TMEM108: variants seen among roughly 807,000 people sequenced by gnomAD.
TMEM108 encodes the protein cancer/testis antigen 124.
TMEM108 carries 12 observed loss-of-function variants against 35.1 expected under a neutral mutation model. That is an observed-to-expected ratio of 0.34 (90% CI 0.22 to 0.55). TMEM108 has a LOEUF of 0.55. Among genes scored for constraint, TMEM108 ranks in the 20% least tolerant of loss-of-function variants. The probability of loss-of-function intolerance (pLI) is 0.89; values close to 1 mark genes in which losing one functional copy is unlikely to be tolerated. For missense variants in TMEM108, 680 were observed against 753.3 expected (o/e 0.90, Z 1.14); for synonymous variants, 287 against 308.6 (o/e 0.93, Z 0.73).
At chr3:133,199,951 C>T (rs990758337) in intron 2 of TMEM108, among the ~76,000 whole-genome samples, 4 of 152,168 alleles carry the variant, frequency 2.6e-5, no homozygotes, top group African/African-American at 4.8e-5. Context: ...TTTACCTACT[C>T]AAGCCTCAGC....
At chr3:133,299,932 A>T (rs16840195) in intron 3 of TMEM108, among the ~76,000 whole-genome samples, 51,553 of 152,064 alleles carry the variant, frequency 0.34, 9,149 homozygotes, top group East Asian at 0.48. Flanking sequence ...TGAAAATCAG[A>T]GTGGAGAAAA....
intron 2 of TMEM108, among the ~76,000 whole-genome samples, chr3:133,139,946 G>T (rs148101230): frequency 2.5e-4 from 38 of 152,322 alleles, no homozygotes; most frequent in Non-Finnish European, 4.7e-4. Flanking sequence ...GCTGGGGTAG[G>T]ACTTTCAGGT....
intron 2 of TMEM108, among the ~76,000 whole-genome samples, chr3:133,168,903 C>T (rs1022940519): frequency 8.6e-5 from 13 of 150,338 alleles, no homozygotes; most frequent in Admixed American, 3.3e-4. Context: ...CTGGATGCGC[C>T]GCCTTTATGA....
At chr3:133,282,801 G>A (rs562481105) in intron 3 of TMEM108, among the ~76,000 whole-genome samples, 111 of 152,254 alleles carry the variant, frequency 7.3e-4, no homozygotes, top group African/African-American at 2.6e-3. Context: ...ATAATGCCCC[G>A]TAAATGCTCA....
chr3:133,392,027 G>A (rs1032880842), intron 5 of TMEM108, among the ~76,000 whole-genome samples: 2 of 151,948 alleles, frequency 1.3e-5, no homozygotes, highest in South Asian at 4.2e-4. Flanking sequence ...TCACATGGCA[G>A]CAGAGGCCCT....
intron 3 of TMEM108, among the ~76,000 whole-genome samples, chr3:133,342,001 A>G (rs2071673609): frequency 6.6e-6 from 1 of 151,884 alleles, no homozygotes; most frequent in African/African-American, 2.4e-5. Context: ...ACACCCCACA[A>G]GCACAGGCAA....
intron 2 of TMEM108, among the ~76,000 whole-genome samples, chr3:133,047,439 T>G (rs1943353970): frequency 6.6e-6 from 1 of 152,220 alleles, no homozygotes; most frequent in South Asian, 2.1e-4. Flanking sequence ...ATTCTTTAAT[T>G]ATTGATTTGG....
At chr3:133,173,740 C>A (rs773274246) in intron 2 of TMEM108, among the ~76,000 whole-genome samples, 1 of 152,160 alleles carries the variant, frequency 6.6e-6, no homozygotes, top group African/African-American at 2.4e-5. Context: ...ATAGGAACAG[C>A]TCTAGTCTAC....
chr3:133,359,853 T>G (rs1315896320), intron 3 of TMEM108, among the ~76,000 whole-genome samples: 3 of 152,080 alleles, frequency 2.0e-5, no homozygotes, highest in African/African-American at 7.2e-5. Context: ...CCAAGATAAA[T>G]GAAAACATGT....
At chr3:133,154,203 G>A (rs1405036508) in intron 2 of TMEM108, among the ~76,000 whole-genome samples, 1 of 151,948 alleles carries the variant, frequency 6.6e-6, no homozygotes, top group East Asian at 1.9e-4. Flanking sequence ...TTTGTCAGAT[G>A]AGTAGGTTGC....
intron 2 of TMEM108, among the ~76,000 whole-genome samples, chr3:133,108,660 T>TTG (rs1944188351): frequency 1.3e-5 from 2 of 152,078 alleles, no homozygotes; most frequent in Non-Finnish European, 2.9e-5. Context: ...TTTGTTTCCA[T>TTG]TGCTTTTGGT....
At chr3:133,165,977 A>G (rs554722184) in intron 2 of TMEM108, among the ~76,000 whole-genome samples, 1 of 152,370 alleles carries the variant, frequency 6.6e-6, no homozygotes, top group East Asian at 1.9e-4. Context: ...AGCCAGAATC[A>G]GTCCATGGTT....
intron 3 of TMEM108, among the ~76,000 whole-genome samples, chr3:133,373,482 A>G (rs932894191): frequency 2.0e-5 from 3 of 152,026 alleles, no homozygotes; most frequent in African/African-American, 7.3e-5. Context: ...TTGGCAGGCA[A>G]TGAGTTGGCC....
chr3:133,257,028 C>T (rs1286635833), intron 3 of TMEM108: 1 of 152,206 alleles, frequency 6.6e-6, no homozygotes, highest in Non-Finnish European at 1.5e-5. Context: ...TACTTACCAT[C>T]CCTGATGTCA....
intron 2 of TMEM108, among the ~76,000 whole-genome samples, chr3:133,099,616 C>G (rs1323538588): frequency 6.6e-6 from 1 of 152,168 alleles, no homozygotes; most frequent in Non-Finnish European, 1.5e-5. Flanking sequence ...TGCTTTGCTG[C>G]TTAGAAGTTT....
intron 2 of TMEM108, among the ~76,000 whole-genome samples, chr3:133,209,078 C>T (rs1945799324): frequency 6.6e-6 from 1 of 152,176 alleles, no homozygotes. Context: ...CAGGGTCTCA[C>T]AGTTGCCCAG....
chr3:133,261,883 G>T (rs1203842342), intron 3 of TMEM108, among the ~76,000 whole-genome samples: 1 of 152,212 alleles, frequency 6.6e-6, no homozygotes, highest in Non-Finnish European at 1.5e-5. Context: ...TAAAGCTGGT[G>T]TGGAAAACCA....
At position 133,134,535 on chromosome 3, in the gene TMEM108, A is replaced by T. The variant is rs985568296; in HGVS notation, c.-47+88515A>T. On this transcript the variant is annotated intron_variant, in intron 2 of 5. Transcript: ENST00000321871. ...AAATGCTTGTAATTTCCTGAGTAAT[A>T]GGGGTGCTTATTAACGCTATTTCTT... Among the ~76,000 whole-genome samples the T allele has an allele frequency of 3.3e-5, 5 of 151,494 alleles. No individual in the cohort carries two copies. In the Admixed American group the frequency reaches 3.3e-4, roughly 10 times the overall value.
At position 133,126,286 on chromosome 3, in the gene TMEM108, TA is replaced by T. The variant is rs1944415153; in HGVS notation, c.-47+80269del. ...TCGAGACCAGCCTGACCAATATGGT[TA>T]AACCCCATCTCTACTAAAAAAATAC... On this transcript the variant is annotated intron_variant, in intron 2 of 5. Coordinates refer to ENST00000321871, the MANE Select transcript of TMEM108 (RefSeq NM_023943.4). Among the ~76,000 whole-genome samples, 7 of 152,006 alleles carry T rather than the reference TA, an allele frequency of 4.6e-5. No homozygotes were observed. In the South Asian group the frequency reaches 1.5e-3, roughly 32 times the overall value.
Sources: allele counts gnomAD v4.1 joint callset (sites outside exome capture counted in the v4.1 genomes callset), GRCh38; gene constraint gnomAD v4.1.1; transcripts MANE v1.5; gene names NCBI Gene and HGNC (gene_info 2026-07-23, HGNC 2026-07-21).